SYBU: variants seen among roughly 807,000 people sequenced by gnomAD.
The protein encoded by SYBU is syntabulin.
A neutral mutation model predicts 35.9 loss-of-function variants in SYBU; 21 were observed. That is an observed-to-expected ratio of 0.58 (90% CI 0.41 to 0.84). SYBU has a LOEUF of 0.84. Among genes scored for constraint, SYBU ranks in the 40% least tolerant of loss-of-function variants. SYBU has a pLI of 0.00. For missense variants in SYBU, 768 were observed against 848.2 expected, an observed-to-expected ratio of 0.91 and a Z score of 1.17; for synonymous variants, 319 against 324.3, an observed-to-expected ratio of 0.98 and a Z score of 0.18.
At position 109,574,375 on chromosome 8, in the gene SYBU, A is replaced by C. The variant is rs1429357539; in HGVS notation, c.*531T>G. On this transcript the variant is annotated 3_prime_UTR_variant, in exon 7 of 7. Coordinates refer to ENST00000276646, the MANE Select transcript of SYBU (RefSeq NM_001099754.2). ...ACAAGCCATTTAAGACTTTGGAGCTACATTTAGTAAAAAATTGCAAACACT... is the reference window on the plus strand; with the variant it reads ...ACAAGCCATTTAAGACTTTGGAGCTCCATTTAGTAAAAAATTGCAAACACT... 1 of 152,766 alleles carries C rather than the reference A, an allele frequency of 6.5e-6. No individual in the cohort carries two copies. 9.5% of individuals were successfully genotyped at this position (152,766 alleles called of 1,614,324 possible).
intron 6 of SYBU, 46 bp from the exon 7 acceptor site, chr8:109,576,059 A>AC: frequency 1.3e-6 from 2 of 1,497,088 alleles, no homozygotes; most frequent in Non-Finnish European, 1.8e-6. Flanking sequence ...AAAAAAAAAA[A>AC]AAAAAAAAAA....
chr8:109,590,560 A>G (rs1404959677), intron 3 of SYBU, among the ~76,000 whole-genome samples: 1 of 152,118 alleles, frequency 6.6e-6, no homozygotes, highest in African/African-American at 2.4e-5. Flanking sequence ...ACACACACAC[A>G]CACATAAACA....
chr8:109,579,168 C>A (rs1402192393), intron 5 of SYBU, among the ~76,000 whole-genome samples: 2 of 152,172 alleles, frequency 1.3e-5, no homozygotes, highest in Non-Finnish European at 2.9e-5. Context: ...CACCTGCCTG[C>A]CTCCAAGATG....
intron 2 of SYBU, among the ~76,000 whole-genome samples, chr8:109,629,425 G>T (rs1383005479): frequency 6.6e-6 from 1 of 152,156 alleles, no homozygotes. Context: ...CATCCTGATT[G>T]GCAGGGGTCA....
intron 3 of SYBU, among the ~76,000 whole-genome samples, chr8:109,617,190 G>A (rs1323751595): frequency 1.3e-5 from 2 of 152,144 alleles, no homozygotes; most frequent in South Asian, 2.1e-4. Context: ...CACCACATGG[G>A]TGAACATTGT....
At position 109,574,935 on chromosome 8, in the gene SYBU, G is replaced by A. The variant is rs762750044; in HGVS notation, c.1963C>T (p.Arg655Cys). The change falls in exon 7 of 7, where the codon CGC becomes TGC. Residue 655 changes from arginine to cysteine, a missense_variant. Coordinates refer to ENST00000276646, the MANE Select transcript of SYBU (RefSeq NM_001099754.2). ...GTTTTGATACGGAAGGCGGTGCGGC[G>A]GAGCGAATGCAGGGCAACCACGCAA... ...GCCVVALHSL[R>C]RTAFRIKT 12 of 1,515,476 alleles carry A rather than the reference G, an allele frequency of 7.9e-6. No homozygotes were observed. The highest frequency in any genetic ancestry group is 2.3e-5 in the East Asian group (1 of 43,984). 93.9% of individuals were successfully genotyped at this position (1,515,476 alleles called of 1,614,324 possible).
chr8:109,642,198 C>G (rs1362584121), intron 2 of SYBU, among the ~76,000 whole-genome samples: 2 of 152,052 alleles, frequency 1.3e-5, no homozygotes. Context: ...GCAAACTAAA[C>G]AGAGGAACAG....
intron 4 of SYBU, chr8:109,580,234 T>C: frequency 1.9e-6 from 1 of 515,626 alleles, no homozygotes; most frequent in Admixed American, 3.2e-5. Flanking sequence ...AAATAGTTTC[T>C]GACCATAAAG....
intron 1 of SYBU, among the ~76,000 whole-genome samples, chr8:109,664,690 C>T (rs1339447995): frequency 6.6e-6 from 1 of 152,070 alleles, no homozygotes; most frequent in Non-Finnish European, 1.5e-5. Context: ...TTGAGTGAGA[C>T]CTTGAAGCTT....
intron 1 of SYBU, among the ~76,000 whole-genome samples, chr8:109,657,855 C>T (rs1816412730): frequency 6.6e-6 from 1 of 152,132 alleles, no homozygotes; most frequent in South Asian, 2.1e-4. Context: ...CATTTGTTGG[C>T]CATATATTTA....
chr8:109,675,701 A>G (rs762623621), intron 1 of SYBU, among the ~76,000 whole-genome samples: 4 of 152,222 alleles, frequency 2.6e-5, no homozygotes, highest in Non-Finnish European at 5.9e-5. Flanking sequence ...GCTGAATTCT[A>G]CCAGAGGTAC....
intron 2 of SYBU, among the ~76,000 whole-genome samples, chr8:109,634,832 T>G (rs911290212): frequency 6.6e-6 from 1 of 152,216 alleles, no homozygotes; most frequent in African/African-American, 2.4e-5. Context: ...TGTAGTCACA[T>G]CCAGTCTTAT....
chr8:109,596,058 G>A (rs1194965313), intron 3 of SYBU, among the ~76,000 whole-genome samples: 2 of 152,182 alleles, frequency 1.3e-5, no homozygotes, highest in Non-Finnish European at 2.9e-5. Context: ...AACCCTTAAT[G>A]GTCTACTGAT....
rs182828223 is a variant in SYBU at position 109,672,158 on chromosome 8, C to T, written c.-129+8553G>A. Among the ~76,000 whole-genome samples the T allele has an allele frequency of 9.2e-5, 14 of 152,274 alleles. No individual in the cohort carries two copies. In the East Asian group the frequency reaches 2.7e-3, roughly 29 times the overall value. On this transcript the variant is annotated intron_variant, in intron 1 of 5. Transcript: ENST00000408889. ...TCAGGTGATCCACCTGGTTTGGCCT[C>T]CCGAAGTGCTGGGATTACAGGTGTG...
At chr8:109,680,160 T>C (rs1433503559) in intron 1 of SYBU, 1 of 152,252 alleles carries the variant, frequency 6.6e-6, no homozygotes, top group African/African-American at 2.4e-5. Context: ...TTAAAATGTT[T>C]CTAGATCAAG....
intron 3 of SYBU, among the ~76,000 whole-genome samples, chr8:109,602,419 C>T (rs1825638251): frequency 6.7e-6 from 1 of 149,926 alleles, no homozygotes; most frequent in South Asian, 2.1e-4. Flanking sequence ...CTAGATTTAA[C>T]CTCTGTGTAA....
At chr8:109,685,529 C>T (rs1183696211), upstream of SYBU, among the ~76,000 whole-genome samples, 1 of 152,196 alleles carries the variant, frequency 6.6e-6, no homozygotes, top group South Asian at 2.1e-4. Flanking sequence ...GGTCCGGTCC[C>T]TCAATGACCT....
At chr8:109,611,156 C>T (rs1395111187) in intron 3 of SYBU, among the ~76,000 whole-genome samples, 6 of 152,200 alleles carry the variant, frequency 3.9e-5, no homozygotes, top group Admixed American at 2.6e-4. Flanking sequence ...GGAGCTTCCA[C>T]TACTTTTGAG....
intron 1 of SYBU, among the ~76,000 whole-genome samples, chr8:109,686,301 C>T (rs1339128324): frequency 6.6e-6 from 1 of 152,060 alleles, no homozygotes; most frequent in African/African-American, 2.4e-5. Flanking sequence ...TTTATTATAG[C>T]CACCTTCCAT....
Sources: gnomAD v4.1 joint callset for allele counts (sites outside exome capture counted in the v4.1 genomes callset) on GRCh38, gnomAD v4.1.1 for gene constraint, MANE v1.5 for transcripts, NCBI Gene and HGNC (gene_info 2026-07-23, HGNC 2026-07-21) for gene names.